Variants in MARCHF6 observed in about 807,000 individuals in gnomAD.
MARCHF6 encodes E3 ubiquitin-protein ligase MARCHF6.
Under a neutral mutation model 133.7 loss-of-function variants are expected in MARCHF6, and 31 were observed. The observed-to-expected ratio is 0.23, with a 90% confidence interval of 0.17 to 0.31. The LOEUF is 0.31. MARCHF6 is among the 10% of genes least tolerant of loss of function. MARCHF6 has a pLI of 1.00. For missense variants in MARCHF6, 723 were observed against 1,121.6 expected, an observed-to-expected ratio of 0.64 and a Z score of 5.08; for synonymous variants, 395 against 402.5, an observed-to-expected ratio of 0.98 and a Z score of 0.22.
intron 1 of MARCHF6, among the ~76,000 whole-genome samples, chr5:10,363,286 G>T (rs1735935551): frequency 2.0e-5 from 3 of 152,154 alleles, no homozygotes; most frequent in African/African-American, 7.2e-5. Context: ...GGGGCTTGGA[G>T]TATATAAAAA....
intron 1 of MARCHF6, among the ~76,000 whole-genome samples, chr5:10,363,073 T>A (rs964535463): frequency 2.6e-5 from 4 of 152,132 alleles, no homozygotes; most frequent in African/African-American, 9.7e-5. Context: ...ATGAAAAACC[T>A]AAAACTATGA....
chr5:10,414,577 C>T, intron 20 of MARCHF6, 75 bp downstream of exon 20: 1 of 1,230,630 alleles, frequency 8.1e-7, no homozygotes, highest in Non-Finnish European at 1.2e-6. Context: ...GAGTCTTGCT[C>T]TGTTCCCCAG....
At chr5:10,407,263 A>G in intron 17 of MARCHF6, 61 bp downstream of exon 17, 1 of 813,466 alleles carries the variant, frequency 1.2e-6, no homozygotes, top group South Asian at 2.1e-5. Context: ...TTTGATGTTC[A>G]GATTACATTA....
At chr5:10,432,561 G>T (rs1368453825) in intron 25 of MARCHF6, among the ~76,000 whole-genome samples, 2 of 152,216 alleles carry the variant, frequency 1.3e-5, no homozygotes, top group Non-Finnish European at 2.9e-5. Context: ...ATTAAGTAAG[G>T]CAGGCCTTCA....
Position 10,391,696 on chromosome 5 carries a change from T to C in MARCHF6, c.731T>C (p.Val244Ala), listed in dbSNP as rs760840042. 1.9e-6 allele frequency: 3 copies of C among 1,595,950 alleles called. No homozygotes were observed. The highest frequency in any genetic ancestry group is 2.3e-5 in the East Asian group (1 of 43,982). The change falls in exon 7 of 26, where the codon GTG becomes GCG. Residue 244 changes from valine (V) to alanine (A), a missense_variant. Val to Ala is a moderately conservative substitution (Grantham distance 64, BLOSUM62 0). This residue lies in a region of MARCHF6 where 97 missense variants were observed against 115.4 expected (regional missense o/e 0.84). Transcript: ENST00000274140. ...AATGAGGAGGAAGATGACGCTGGTG[T>C]GGAGGATGCGGCAGATGCTAATAAC... ...EDNEEEDDAG[V>A]EDAADANNGA... is the part of the protein sequence containing the mutation.
At chr5:10,393,922 T>C (rs944888592) in intron 7 of MARCHF6, among the ~76,000 whole-genome samples, 160 bp from the exon 8 acceptor site, 4 of 152,214 alleles carry the variant, frequency 2.6e-5, no homozygotes, top group African/African-American at 7.2e-5. Context: ...TTTATTCTTA[T>C]TTGTTCCCTG....
intron 1 of MARCHF6, among the ~76,000 whole-genome samples, chr5:10,372,478 T>C (rs528964994): frequency 3.2e-4 from 48 of 152,188 alleles, no homozygotes; most frequent in Middle Eastern, 3.4e-3. Context: ...TAAAGAGTTA[T>C]TAATACTGCT....
intron 19 of MARCHF6, among the ~76,000 whole-genome samples, 195 bp from the exon 20 acceptor site, chr5:10,414,238 A>C (rs975169884): frequency 2.0e-5 from 3 of 152,212 alleles, no homozygotes; most frequent in Non-Finnish European, 4.4e-5. Context: ...TTATGTGAGA[A>C]TGGATACTTA....
chr5:10,375,069 G>A (rs1321261116), intron 1 of MARCHF6, among the ~76,000 whole-genome samples: 2 of 152,248 alleles, frequency 1.3e-5, no homozygotes, highest in Non-Finnish European at 2.9e-5. Flanking sequence ...CACTTGAGGA[G>A]CCCTTCAGCC....
chr5:10,353,717 T>A lies in MARCHF6; in HGVS notation c.-182T>A, dbSNP rs191797699. The A allele has an allele frequency of 5.0e-3, 1,112 of 222,798 alleles. 12 individuals are homozygous for A. The highest frequency in any genetic ancestry group is 0.025 in the African/African-American group (993 of 39,342). The allele number at this position is 222,798 out of a possible 1,614,324, so 13.8% of individuals were successfully genotyped here. On this transcript the variant is annotated 5_prime_UTR_variant, in exon 1 of 26. Coordinates refer to ENST00000274140, the MANE Select transcript of MARCHF6 (RefSeq NM_005885.4). ...GGTGTTCCCGCCCCTCCCCCTCCCG[T>A]GTCGCTCGCTTTCTGTCAGCCTCTC...
chr5:10,360,306 T>C (rs1735746898), intron 1 of MARCHF6, among the ~76,000 whole-genome samples: 1 of 151,614 alleles, frequency 6.6e-6, no homozygotes. Context: ...TGCACCACCA[T>C]GCCTGGCTAA....
At chr5:10,384,759 A>G (rs1254919248) in intron 4 of MARCHF6, among the ~76,000 whole-genome samples, 1 of 152,224 alleles carries the variant, frequency 6.6e-6, no homozygotes, top group Non-Finnish European at 1.5e-5. Context: ...GGGGGAGCGC[A>G]TATGTTATAA....
Position 10,433,738 on chromosome 5 carries a change from T to C in MARCHF6, c.*54T>C, listed in dbSNP as rs1376692902. The C allele has an allele frequency of 3.5e-6, 5 of 1,439,398 alleles. No homozygotes were observed. The highest frequency in any genetic ancestry group is 1.1e-5 in the South Asian group (1 of 87,132). 89.2% of individuals were successfully genotyped at this position (1,439,398 alleles called of 1,614,324 possible). On this transcript the variant is annotated 3_prime_UTR_variant, in exon 26 of 26. Transcript: ENST00000274140. ...CCTTTACATGTCCTTTTTTGTGGAC[T>C]TCTCTCTTTGGAGATTTTTCCCAGT...
intron 6 of MARCHF6, 33 bp downstream of exon 6, chr5:10,390,533 A>G (rs1737762846): frequency 6.3e-7 from 1 of 1,591,586 alleles, no homozygotes; most frequent in South Asian, 1.1e-5. Context: ...GATTTTACTT[A>G]GGTAGGTCAT....
intron 23 of MARCHF6, among the ~76,000 whole-genome samples, 167 bp from the exon 24 acceptor site, chr5:10,426,223 G>A (rs1033396109): frequency 6.6e-6 from 1 of 152,186 alleles, no homozygotes; most frequent in African/African-American, 2.4e-5. Flanking sequence ...TCAGAAACTC[G>A]TGGGCACTAT....
Position 10,437,593 on chromosome 5 carries a change from GCCT to G in MARCHF6, c.*3911_*3913del. The G allele has an allele frequency of 6.6e-6, 1 of 152,294 alleles. No individual in the cohort carries two copies. Among genetic ancestry groups the G allele is most frequent in the Middle Eastern group, 3.4e-3 (1 of 294 alleles). 9.4% of individuals were successfully genotyped at this position (152,294 alleles called of 1,614,324 possible). A position where few individuals can be genotyped will look rare whatever the true frequency, so the allele number is the denominator to read the frequency against. On this transcript the variant is annotated 3_prime_UTR_variant, in exon 26 of 26. Transcript: ENST00000274140. ...GTTTTCATTCCTGTTTTGTACGAGT[GCCT>G]CATTTTGTAGTCATGAAAGTAACAT...
intron 1 of MARCHF6, among the ~76,000 whole-genome samples, chr5:10,360,122 G>A (rs1398471729): frequency 6.8e-6 from 1 of 147,936 alleles, no homozygotes; most frequent in African/African-American, 2.5e-5. Flanking sequence ...TTTTTCGGGA[G>A]TCAAAAGTTG....
intron 6 of MARCHF6, among the ~76,000 whole-genome samples, chr5:10,391,029 A>T (rs781203511): frequency 6.6e-6 from 1 of 152,244 alleles, no homozygotes; most frequent in African/African-American, 2.4e-5. Context: ...GTGTTCTTAT[A>T]TACTAAAATT....
intron 8 of MARCHF6, 59 bp from the exon 9 acceptor site, chr5:10,394,689 ATAAAT>A (rs1262550906): frequency 3.0e-6 from 4 of 1,314,310 alleles, no homozygotes; most frequent in African/African-American, 3.0e-5. Flanking sequence ...GAGGCTTTTC[ATAAAT>A]TAGAATAGAA....
Sources: gnomAD v4.1 joint callset for allele counts (sites outside exome capture counted in the v4.1 genomes callset) on GRCh38, gnomAD v4.1.1 for gene constraint, gnomAD v4.1.1 regional missense constraint, MANE v1.5 for transcripts, NCBI Gene and HGNC (gene_info 2026-07-23, HGNC 2026-07-21) for gene names.